The following PIEZO2 variants were observed in gnomAD, a reference collection of about 807,000 sequenced individuals.
PIEZO2 encodes the protein piezo-type mechanosensitive ion channel component 2.
In PIEZO2, 172 loss-of-function variants were observed where a neutral mutation model predicts 337.3. That is an observed-to-expected ratio of 0.51 (90% confidence interval 0.45 to 0.58). The LOEUF is 0.58. PIEZO2 is among the 20% of genes least tolerant of loss of function. PIEZO2 has a pLI of 0.00. For synonymous variants in PIEZO2, 1,251 were observed against 1,228.5 expected (o/e 1.02, Z -0.38); for missense variants, 3,028 against 3,391.3 (o/e 0.89, Z 2.66).
Position 11,055,087 on chromosome 18 carries a change from T to C in PIEZO2, c.160+11040A>G, listed in dbSNP as rs541431384. Among the ~76,000 whole-genome samples, 26 of 151,858 alleles carry C rather than the reference T, an allele frequency of 1.7e-4. No individual in the cohort carries two copies. In the South Asian group the frequency reaches 5.2e-3, roughly 30 times the overall value. ...TTAGCTGGGCGCGGTGGCAGGCGCC[T>C]GTAGTCCCAGCTACTCGGGAGGCTG... On this transcript the variant is annotated intron_variant, in intron 2 of 55. Coordinates refer to ENST00000674853, the MANE Select transcript of PIEZO2 (RefSeq NM_001378183.1).
At chr18:10,873,929 A>T (rs182205866) in intron 4 of PIEZO2, among the ~76,000 whole-genome samples, 1 of 152,262 alleles carries the variant, frequency 6.6e-6, no homozygotes, top group Non-Finnish European at 1.5e-5. Flanking sequence ...TTTGGGTAAG[A>T]CCTCAAAAGC....
At chr18:11,046,793 T>C (rs1432793402) in intron 2 of PIEZO2, among the ~76,000 whole-genome samples, 2 of 152,198 alleles carry the variant, frequency 1.3e-5, no homozygotes, top group African/African-American at 4.8e-5. Flanking sequence ...ACTTGACAGA[T>C]ACAATCTACT....
At chr18:10,734,434 A>C (rs1369084195) in intron 35 of PIEZO2, among the ~76,000 whole-genome samples, 1 of 152,220 alleles carries the variant, frequency 6.6e-6, no homozygotes, top group Non-Finnish European at 1.5e-5. Context: ...ATAAGACCCC[A>C]GGGTAAAATG....
chr18:10,843,401 C>T lies in PIEZO2; in HGVS notation c.917+11952G>A, dbSNP rs73394740. The stretch of plus-strand genomic sequence containing the variant: ...TTTCTCAAAAGATCTCTTTAGATTT[C>T]ATTTTATACGCTGTTCTCTTAACTT... On this transcript the variant is annotated intron_variant, in intron 7 of 55. Transcript: ENST00000674853. 2.2e-3 allele frequency among the ~76,000 whole-genome samples: 329 copies of T among 152,052 alleles called. 1 individual carries two copies. The highest frequency in any genetic ancestry group is 7.5e-3 in the African/African-American group (311 of 41,490).
chr18:10,951,021 A>G (rs1004557575), intron 3 of PIEZO2, among the ~76,000 whole-genome samples: 6 of 152,208 alleles, frequency 3.9e-5, no homozygotes, highest in African/African-American at 7.2e-5. Context: ...GCTGGGGGAA[A>G]AAAACACTCA....
chr18:10,998,406 A>G (rs1478324773), intron 2 of PIEZO2, among the ~76,000 whole-genome samples: 3 of 151,914 alleles, frequency 2.0e-5, no homozygotes, highest in African/African-American at 7.2e-5. Context: ...TGCTCCAGTT[A>G]ATTCATGGAA....
rs766396218 is a variant in PIEZO2, at chr18:10,670,852, CT to C, written c.*674del. 6.1e-3 allele frequency: 876 copies of C among 142,686 alleles called. 2 individuals carry two copies. The highest frequency in any genetic ancestry group is 0.011 in the Middle Eastern group (3 of 278). The allele number at this position is 142,686 out of a possible 1,614,324, so 8.8% of individuals were successfully genotyped here. Reference sequence around the variant, plus strand: ...GGTGTACACATCATTTGTTTTGCTCCTTTTTTTTTTTTTTCCTGAGAAGTCA... The same window carrying C: ...GGTGTACACATCATTTGTTTTGCTCCTTTTTTTTTTTTTCCTGAGAAGTCA... On this transcript the variant is annotated 3_prime_UTR_variant, in exon 56 of 56. Coordinates refer to ENST00000674853, the MANE Select transcript of PIEZO2 (RefSeq NM_001378183.1).
rs1469162628 is a variant in PIEZO2, at chr18:11,131,705, G to T, written c.64+16820C>A. Reference sequence around the variant, plus strand: ...TCAGGGACTTGGAAAAAGCACGATGGGAAAATTGGTGACAAAGAAACTTGG... The same window carrying T: ...TCAGGGACTTGGAAAAAGCACGATGTGAAAATTGGTGACAAAGAAACTTGG... On this transcript the variant is annotated intron_variant, in intron 1 of 55. Transcript: ENST00000674853. This position sits in a 1 kb window ranked among gnomAD's most constrained non-coding sequence, Gnocchi z 5.3. Among the ~76,000 whole-genome samples, 1 of 152,192 alleles carries T rather than the reference G, an allele frequency of 6.6e-6. No homozygotes were observed. The highest frequency in any genetic ancestry group is 1.5e-5 in the Non-Finnish European group (1 of 68,046).
chr18:10,822,860 A>G (rs779536000), intron 7 of PIEZO2, among the ~76,000 whole-genome samples: 1 of 152,222 alleles, frequency 6.6e-6, no homozygotes, highest in Non-Finnish European at 1.5e-5. Context: ...TAACTTTCAT[A>G]AATTAAACTT....
At position 10,877,116 on chromosome 18, in the gene PIEZO2, G is replaced by A. The variant is rs189185604; in HGVS notation, c.330-5701C>T. ...TTGTAGCCACCAGACTCTTCTCTAC[G>A]TCCTACTTAATTGTTGATGAGTCCA... is the stretch of plus-strand genomic sequence containing the variant. On this transcript the variant is annotated intron_variant, in intron 4 of 55. Coordinates refer to ENST00000674853, the MANE Select transcript of PIEZO2 (RefSeq NM_001378183.1). The surrounding 1 kb of genome is among the most constrained non-coding windows in gnomAD (Gnocchi z 5.3). Among the ~76,000 whole-genome samples, 11 of 152,200 alleles carry A rather than the reference G, an allele frequency of 7.2e-5. No individual in the cohort carries two copies. Among genetic ancestry groups the A allele is most frequent in the East Asian group, 5.8e-4 (3 of 5,182 alleles).
At chr18:10,720,363 C>CTGTGTG (rs58927900) in intron 36 of PIEZO2, among the ~76,000 whole-genome samples, 23 of 56,294 alleles carry the variant, frequency 4.1e-4, no homozygotes, top group Non-Finnish European at 4.5e-4. Flanking sequence ...TATATATATT[C>CTGTGTG]TGTGTGTGTG....
intron 49 of PIEZO2, among the ~76,000 whole-genome samples, chr18:10,684,112 C>G (rs1417179139): frequency 1.9e-5 from 2 of 105,546 alleles, no homozygotes; most frequent in African/African-American, 3.6e-5. Flanking sequence ...CTCTCTCTTT[C>G]TTTCTTTCTT....
intron 7 of PIEZO2, 90 bp from the exon 8 acceptor site, chr18:10,807,364 G>C: frequency 8.3e-7 from 1 of 1,200,614 alleles, no homozygotes; most frequent in South Asian, 1.5e-5. Flanking sequence ...TGATACATTC[G>C]TGAGCTATTC....
intron 1 of PIEZO2, among the ~76,000 whole-genome samples, chr18:11,114,056 A>G (rs2039815166): frequency 1.3e-5 from 2 of 152,266 alleles, no homozygotes; most frequent in Admixed American, 1.3e-4. Context: ...GTAATCAAAT[A>G]TCATTCCATG....
chr18:10,790,433 T>G (rs993710310), intron 14 of PIEZO2, among the ~76,000 whole-genome samples: 2 of 152,218 alleles, frequency 1.3e-5, no homozygotes, highest in African/African-American at 4.8e-5. Context: ...TTTACATTTA[T>G]TGGCATACCT....
intron 4 of PIEZO2, among the ~76,000 whole-genome samples, chr18:10,874,767 C>T (rs921503668): frequency 8.5e-5 from 13 of 152,120 alleles, no homozygotes; most frequent in Admixed American, 6.6e-5. Flanking sequence ...AAGTGGATCT[C>T]ATAGAGGCAG....
chr18:10,766,930 G>T lies in PIEZO2; in HGVS notation c.2946+3218C>A, dbSNP rs1568034993. Among the ~76,000 whole-genome samples the T allele has an allele frequency of 6.6e-6, 1 of 152,094 alleles. No individual in the cohort carries two copies. The highest frequency in any genetic ancestry group is 1.5e-5 in the Non-Finnish European group (1 of 68,016). ...ATAATAACAATGATGAGACAGACAAGAAGGAGAAACCTCAGGTCTGCAAAA... is the reference window on the plus strand; with the variant it reads ...ATAATAACAATGATGAGACAGACAATAAGGAGAAACCTCAGGTCTGCAAAA... On this transcript the variant is annotated intron_variant, in intron 21 of 55. Coordinates refer to ENST00000674853, the MANE Select transcript of PIEZO2 (RefSeq NM_001378183.1). The surrounding 1 kb of genome is among the most constrained non-coding windows in gnomAD (Gnocchi z 6.1).
intron 4 of PIEZO2, among the ~76,000 whole-genome samples, chr18:10,873,447 T>C (rs1462642535): frequency 6.6e-6 from 1 of 152,198 alleles, no homozygotes; most frequent in African/African-American, 2.4e-5. Context: ...TGTATCCACA[T>C]GGCCTTCCTT....
At chr18:10,868,839 T>C (rs1259341395) in intron 5 of PIEZO2, among the ~76,000 whole-genome samples, 1 of 152,232 alleles carries the variant, frequency 6.6e-6, no homozygotes, top group African/African-American at 2.4e-5. Context: ...CGTGGCTTTT[T>C]ATTGATCAAT....
Sources: allele counts gnomAD v4.1 joint callset (sites outside exome capture counted in the v4.1 genomes callset), GRCh38; gene constraint gnomAD v4.1.1; non-coding constraint Gnocchi (gnomAD v3.1); transcripts MANE v1.5; gene names NCBI Gene and HGNC (gene_info 2026-07-23, HGNC 2026-07-21).